The following SLC35E1 variants were observed in gnomAD, a reference collection of about 807,000 sequenced individuals.
The protein encoded by SLC35E1 is solute carrier family 35, member E1.
In SLC35E1, 12 loss-of-function variants were observed where a neutral mutation model predicts 31.0. The observed-to-expected ratio is 0.39, with a 90% CI of 0.25 to 0.63. SLC35E1 has a LOEUF of 0.63. Among genes scored for constraint, SLC35E1 ranks in the 20% least tolerant of loss-of-function variants. SLC35E1 has a pLI of 0.52. For synonymous variants in SLC35E1, 257 were observed against 264.1 expected (o/e 0.97, Z 0.26); for missense variants, 429 against 572.2 (o/e 0.75, Z 2.55).
chr19:16,555,462 C>T lies in SLC35E1; in HGVS notation c.757-65G>A. 6 of 1,581,018 alleles carry T rather than the reference C, an allele frequency of 3.8e-6. No homozygotes were observed. The highest frequency in any genetic ancestry group is 1.2e-5 in the South Asian group (1 of 86,470). On this transcript the variant is annotated intron_variant, in intron 4 of 5. Transcript: ENST00000595753. This position sits in a 1 kb window ranked among gnomAD's most constrained non-coding sequence, Gnocchi z 4.1. ...AGCGGTGACCCTGCCTCCCTGTATC[C>T]ACCTGGCAGGGTTAGGGGAAGGGAT...
At chr19:16,569,967 G>A (rs1175290651) in intron 2 of SLC35E1, among the ~76,000 whole-genome samples, 1 of 152,242 alleles carries the variant, frequency 6.6e-6, no homozygotes, top group Non-Finnish European at 1.5e-5. Flanking sequence ...ATATCAGGCT[G>A]TGGCCCTCAG....
At chr19:16,561,100 G>T (rs543118088) in intron 4 of SLC35E1, among the ~76,000 whole-genome samples, 14 of 148,010 alleles carry the variant, frequency 9.5e-5, no homozygotes, top group African/African-American at 3.2e-4. Flanking sequence ...TGTAATCCCA[G>T]CTATATGGGA....
In SLC35E1 at chr19:16,551,090, T is replaced by G. The variant is rs955578119; in HGVS notation, c.*2589A>C. ...GACAACTCCCGTAATATCTCCGCAG[T>G]GCAAAATTATCCCTGTTTCTTGTCA... On this transcript the variant is annotated 3_prime_UTR_variant, in exon 6 of 6. Transcript: ENST00000595753. 6.6e-5 allele frequency: 10 copies of G among 152,162 alleles called. No individual in the cohort carries two copies. The highest frequency in any genetic ancestry group is 1.3e-4 in the Non-Finnish European group (9 of 68,022). The allele number at this position is 152,162 out of a possible 1,614,324, so 9.4% of individuals were successfully genotyped here.
chr19:16,571,095 CAA>C (rs57729159), intron 2 of SLC35E1, among the ~76,000 whole-genome samples: 10 of 67,252 alleles, frequency 1.5e-4, no homozygotes, highest in Admixed American at 1.7e-4. Context: ...AACTCCGTCT[CAA>C]AAAAAAAAAA....
chr19:16,571,601 G>C lies in SLC35E1; in HGVS notation c.422-19C>G, dbSNP rs531324048. ...GCCTTGACTGCAAAGAGAGGGATGGGCACTCAGGGGGCTGCCTGAATTTCA... is the reference window on the plus strand; with the variant it reads ...GCCTTGACTGCAAAGAGAGGGATGGCCACTCAGGGGGCTGCCTGAATTTCA... On this transcript the variant is annotated intron_variant, in intron 1 of 5. Transcript: ENST00000595753. 2 of 1,613,228 alleles carry C rather than the reference G, an allele frequency of 1.2e-6. No individual in the cohort carries two copies. Among genetic ancestry groups the C allele is most frequent in the Non-Finnish European group, 1.7e-6 (2 of 1,179,784 alleles).
chr19:16,567,432 C>T (rs1008709716), intron 3 of SLC35E1, among the ~76,000 whole-genome samples: 7 of 152,168 alleles, frequency 4.6e-5, no homozygotes, highest in Non-Finnish European at 1.0e-4. Flanking sequence ...ACTTGAGCTT[C>T]GAAGACTGAG....
At chr19:16,568,798 C>G (rs1455219734) in intron 2 of SLC35E1, among the ~76,000 whole-genome samples, 1 of 152,220 alleles carries the variant, frequency 6.6e-6, no homozygotes, top group Admixed American at 6.5e-5. Flanking sequence ...TCCCAAAGTA[C>G]TGGGATTACA....
intron 5 of SLC35E1, 37 bp from the exon 6 acceptor site, chr19:16,553,946 CG>C: frequency 1.2e-5 from 18 of 1,532,592 alleles, no homozygotes; most frequent in Non-Finnish European, 1.5e-5. Context: ...AGGACATGCC[CG>C]GGGCATAAGA....
intron 2 of SLC35E1, among the ~76,000 whole-genome samples, chr19:16,568,435 C>T (rs759484290): frequency 2.0e-5 from 3 of 152,214 alleles, no homozygotes; most frequent in Admixed American, 6.5e-5. Flanking sequence ...GGCCACAGCC[C>T]GGGGCTGGTC....
At chr19:16,567,925 C>T in intron 3 of SLC35E1, 107 bp downstream of exon 3, 1 of 1,406,786 alleles carries the variant, frequency 7.1e-7, no homozygotes, top group South Asian at 1.5e-5. Flanking sequence ...GATTTTTCTG[C>T]TCTAATAGCA....
In SLC35E1 at chr19:16,556,446, C is replaced by A. The variant is rs370847629; in HGVS notation, c.757-1049G>T. On this transcript the variant is annotated intron_variant, in intron 4 of 5. Transcript: ENST00000595753. ...ATCGCTTGAGCCTAGGAGTTCAAGG[C>A]TACAGTGAGCTACGATGGCGCCATA... is the stretch of plus-strand genomic sequence containing the variant. Among the ~76,000 whole-genome samples, 7 of 152,058 alleles carry A rather than the reference C, an allele frequency of 4.6e-5. No homozygotes were observed. The East Asian group carries it at 1.2e-3, about 25-fold the overall frequency.
In SLC35E1 at chr19:16,550,208, G is replaced by A. The variant is rs768814518; in HGVS notation, c.*3471C>T. The A allele has an allele frequency of 6.6e-6, 1 of 152,156 alleles. No homozygotes were observed. Among genetic ancestry groups the A allele is most frequent in the Non-Finnish European group, 1.5e-5 (1 of 68,040 alleles). 9.4% of individuals were successfully genotyped at this position (152,156 alleles called of 1,614,324 possible). On this transcript the variant is annotated 3_prime_UTR_variant, in exon 6 of 6. Coordinates refer to ENST00000595753, the MANE Select transcript of SLC35E1 (RefSeq NM_024881.5). ...GGTTAAAAATTCTGCAGTGAGTCTC[G>A]CCATGGTGAACAAACATGATTCAGA...
At chr19:16,561,436 T>C (rs11878961) in intron 4 of SLC35E1, among the ~76,000 whole-genome samples, 1 of 152,050 alleles carries the variant, frequency 6.6e-6, no homozygotes, top group Non-Finnish European at 1.5e-5. Context: ...AACTCACTGG[T>C]GGCTCCAAGG....
rs999128029 is a variant in SLC35E1, at chr19:16,551,962, G to A, written c.*1717C>T. 6.6e-6 allele frequency: 1 copy of A among 151,890 alleles called. No individual in the cohort carries two copies. Among genetic ancestry groups the A allele is most frequent in the South Asian group, 2.1e-4 (1 of 4,814 alleles). 9.4% of individuals were successfully genotyped at this position (151,890 alleles called of 1,614,324 possible). A position where few individuals can be genotyped will look rare whatever the true frequency, so the allele number is the denominator to read the frequency against. ...AGATGGGGTTTCACCATGTTGGCCA[G>A]GGTGGTCTCAAACTCCAGTGATCCA... On this transcript the variant is annotated 3_prime_UTR_variant, in exon 6 of 6. Coordinates refer to ENST00000595753, the MANE Select transcript of SLC35E1 (RefSeq NM_024881.5).
intron 4 of SLC35E1, among the ~76,000 whole-genome samples, chr19:16,557,812 TTTTTG>T (rs1348559662): frequency 2.0e-5 from 3 of 152,046 alleles, no homozygotes; most frequent in Admixed American, 6.6e-5. Context: ...GTACTGAAGT[TTTTTG>T]TTTTGTTTTG....
intron 4 of SLC35E1, among the ~76,000 whole-genome samples, chr19:16,562,567 C>G (rs1468678589): frequency 6.6e-6 from 1 of 152,154 alleles, no homozygotes. Flanking sequence ...AATAAAACTG[C>G]TATACAAATA....
At position 16,566,342 on chromosome 19, in the gene SLC35E1, C is replaced by G. The variant is rs535145497; in HGVS notation, c.756+190G>C. Reference sequence around the variant, plus strand: ...CAAGCACACCAGAGAAGGAAATACACAGGAAACCCACTTCCTCGATGGCGT... The same window carrying G: ...CAAGCACACCAGAGAAGGAAATACAGAGGAAACCCACTTCCTCGATGGCGT... On this transcript the variant is annotated intron_variant, in intron 4 of 5. Transcript: ENST00000595753. 4 of 707,158 alleles carry G rather than the reference C, an allele frequency of 5.7e-6. No homozygotes were observed. The African/African-American group carries it at 7.2e-5, about 13-fold the overall frequency. 43.8% of individuals were successfully genotyped at this position (707,158 alleles called of 1,614,324 possible). A position where few individuals can be genotyped will look rare whatever the true frequency, so the allele number is the denominator to read the frequency against.
At chr19:16,568,685 C>T (rs1272180595) in intron 2 of SLC35E1, among the ~76,000 whole-genome samples, 1 of 152,186 alleles carries the variant, frequency 6.6e-6, no homozygotes, top group Admixed American at 6.5e-5. Flanking sequence ...GATGTGCCAC[C>T]ACGCCCGGCC....
intron 4 of SLC35E1, among the ~76,000 whole-genome samples, chr19:16,559,463 T>TACACACACACACACACACACACACACAC (rs61643316): frequency 4.2e-5 from 6 of 142,302 alleles, no homozygotes; most frequent in Admixed American, 6.9e-5. Context: ...CTACAAAAAA[T>TACACACACACACACACACACACACACAC]ACACACACAC....
Sources: allele counts gnomAD v4.1 joint callset (sites outside exome capture counted in the v4.1 genomes callset), GRCh38; gene constraint gnomAD v4.1.1; non-coding constraint Gnocchi (gnomAD v3.1); transcripts MANE v1.5; gene names NCBI Gene and HGNC (gene_info 2026-07-23, HGNC 2026-07-21).